MGRN1: variants seen among roughly 807,000 people sequenced by gnomAD.
MGRN1 encodes E3 ubiquitin-protein ligase MGRN1.
MGRN1 carries 29 observed loss-of-function variants against 69.2 expected under a neutral mutation model. The observed-to-expected ratio is 0.42, with a 90% CI of 0.31 to 0.57. MGRN1 has a LOEUF of 0.57. Ranked by LOEUF, MGRN1 falls within the 20% of genes least tolerant of loss-of-function variation. MGRN1 has a pLI of 0.15. For missense variants in MGRN1, 998 were observed against 796.2 expected (o/e 1.25, Z -3.05); for synonymous variants, 470 against 344.2 (o/e 1.37, Z -4.04).
chr16:4,677,834 TG>T (rs1247697338), intron 11 of MGRN1, among the ~76,000 whole-genome samples: 1 of 51,310 alleles, frequency 1.9e-5, no homozygotes, highest in African/African-American at 7.7e-5. Context: ...TGGAGCCAGG[TG>T]CTTTTTTTTT....
intron 1 of MGRN1, among the ~76,000 whole-genome samples, chr16:4,629,737 CAAA>C (rs58368787): frequency 9.0e-6 from 1 of 110,800 alleles, no homozygotes. Context: ...GACACCGTCT[CAAA>C]AAAAAAAAAA....
intron 5 of MGRN1, among the ~76,000 whole-genome samples, chr16:4,661,934 G>A (rs904189025): frequency 6.6e-6 from 1 of 152,252 alleles, no homozygotes; most frequent in Non-Finnish European, 1.5e-5. Flanking sequence ...ATGGCAGGAA[G>A]CTGCGGTAGC....
chr16:4,638,511 C>T (rs2141841989), intron 1 of MGRN1, among the ~76,000 whole-genome samples: 1 of 152,210 alleles, frequency 6.6e-6, no homozygotes, highest in Admixed American at 6.5e-5. Flanking sequence ...ACTTCCCCAG[C>T]TGGGTGGGGG....
chr16:4,650,627 TGGGTGTG>T, intron 2 of MGRN1, 144 bp downstream of exon 2: 1 of 649,630 alleles, frequency 1.5e-6, no homozygotes, highest in Non-Finnish European at 2.6e-6. Context: ...CAGTTGAGCT[TGGGTGTG>T]GGCACGTGCC....
At chr16:4,668,945 CAT>C (rs1024305530) in intron 8 of MGRN1, among the ~76,000 whole-genome samples, 48 of 152,272 alleles carry the variant, frequency 3.2e-4, no homozygotes, top group East Asian at 9.6e-4. Flanking sequence ...CACTTGCACA[CAT>C]ATACATAGAC....
chr16:4,678,536 C>CGGAGAGACAGATGT (rs1339029402), intron 11 of MGRN1, among the ~76,000 whole-genome samples: 1 of 150,006 alleles, frequency 6.7e-6, no homozygotes, highest in African/African-American at 2.5e-5. Context: ...TGTGGAGAGA[C>CGGAGAGACAGATGT]GGAGAGACAG....
intron 12 of MGRN1, among the ~76,000 whole-genome samples, chr16:4,681,010 C>T (rs2079170491): frequency 1.3e-5 from 2 of 152,248 alleles, no homozygotes; most frequent in African/African-American, 4.8e-5. Context: ...TCTTCCTCAG[C>T]CTTGTTGATT....
At chr16:4,660,091 C>G (rs2078642571) in intron 5 of MGRN1, among the ~76,000 whole-genome samples, 2 of 152,242 alleles carry the variant, frequency 1.3e-5, no homozygotes, top group Admixed American at 6.5e-5. Context: ...GGCTTAGCAT[C>G]AAGAGCGCAG....
Position 4,652,697 on chromosome 16 carries a change from A to G in MGRN1, c.316A>G (p.Ser106Gly), listed in dbSNP as rs755777024. ...GGGTAGGTACAAAGACGATGCCGAC[A>G]GCCCCACCGAGGACGGCGACAAGCC... ...RLVRYKDDAD[S>G]PTEDGDKPRV... Residue 106 changes from serine to glycine, a missense_variant, in exon 4 of 17, where the codon AGC becomes GGC. Ser to Gly is a moderately conservative substitution (Grantham distance 56). Transcript: ENST00000262370. 5 of 1,612,636 alleles carry G rather than the reference A, an allele frequency of 3.1e-6. No individual in the cohort carries two copies. Among genetic ancestry groups the G allele is most frequent in the Non-Finnish European group, 4.2e-6 (5 of 1,179,324 alleles).
intron 16 of MGRN1, among the ~76,000 whole-genome samples, chr16:4,684,904 C>G (rs866835674): frequency 3.3e-5 from 5 of 152,226 alleles, no homozygotes; most frequent in Admixed American, 6.5e-5. Context: ...CACCATTGCT[C>G]AATCCTCCTG....
intron 9 of MGRN1, chr16:4,672,652 G>A (rs893094923): frequency 3.2e-5 from 11 of 348,568 alleles, no homozygotes; most frequent in Non-Finnish European, 5.7e-5. Context: ...GAGCAGCGGG[G>A]ACTGTATAAA....
At chr16:4,628,033 C>G (rs1295862367) in intron 1 of MGRN1, among the ~76,000 whole-genome samples, 2 of 130,874 alleles carry the variant, frequency 1.5e-5, no homozygotes, top group Middle Eastern at 6.1e-3. Flanking sequence ...TGAGCCGAGA[C>G]TGCGCCACTG....
At chr16:4,631,034 C>G (rs1172348850) in intron 1 of MGRN1, among the ~76,000 whole-genome samples, 4 of 151,946 alleles carry the variant, frequency 2.6e-5, no homozygotes, top group Non-Finnish European at 5.9e-5. Flanking sequence ...GTTGTCCAGG[C>G]TGGCCTCAAA....
intron 5 of MGRN1, 50 bp downstream of exon 5, chr16:4,657,413 C>T (rs779308597): frequency 1.3e-6 from 2 of 1,558,926 alleles, no homozygotes; most frequent in Non-Finnish European, 1.8e-6. Flanking sequence ...TGAATTCTCT[C>T]CCCTTGGGGG....
chr16:4,670,229 ATTTGT>A (rs1220925246), intron 8 of MGRN1, among the ~76,000 whole-genome samples: 1 of 151,416 alleles, frequency 6.6e-6, no homozygotes, highest in Non-Finnish European at 1.5e-5. Flanking sequence ...CAGTTGGTTA[ATTTGT>A]TTTGTTTTAT....
Position 4,683,249 on chromosome 16 carries a change from A to C in MGRN1, c.1508A>C (p.Glu503Ala), listed in dbSNP as rs2079229900. 1.9e-6 allele frequency: 3 copies of C among 1,613,724 alleles called. No homozygotes were observed. The highest frequency in any genetic ancestry group is 2.7e-5 in the African/African-American group (2 of 74,944). The change falls in exon 15 of 17, where the codon GAG (glutamate) becomes GCG (alanine). Residue 503 changes from glutamate to alanine, a missense_variant. Physicochemically the swap from Glu to Ala is moderately radical, Grantham distance 107. Transcript: ENST00000262370. Reference protein sequence around the residue: ...PESFITEEVDESSSPQQGTRA... With the variant: ...PESFITEEVDASSSPQQGTRA... ...AGTTTCATAACAGAAGAGGTTGATG[A>C]GTCGTCGTCACCACAGCAAGGTGAG...
intron 13 of MGRN1, among the ~76,000 whole-genome samples, chr16:4,682,247 GGTCCCTCTCCAGGCGATGA>G (rs2141978189): frequency 6.6e-6 from 1 of 152,338 alleles, no homozygotes; most frequent in South Asian, 2.1e-4. Flanking sequence ...CACGGGGCAC[GGTCCCTCTCCAGGCGATGA>G]GTGCATCATC....
chr16:4,689,933 A>ATT lies in MGRN1; in HGVS notation c.*1031_*1032dup. On this transcript the variant is annotated 3_prime_UTR_variant, in exon 17 of 17. Coordinates refer to ENST00000262370, the MANE Select transcript of MGRN1 (RefSeq NM_015246.4). ...AGGTGCCTACCAGCATGCTCGGCTAATTTTTTTGTATTTTTAGTAGAGAAG... is the reference window on the plus strand; with the variant it reads ...AGGTGCCTACCAGCATGCTCGGCTAATTTTTTTTTGTATTTTTAGTAGAGAAG... 1 of 151,924 alleles carries ATT rather than the reference A, an allele frequency of 6.6e-6. No individual in the cohort carries two copies. The highest frequency in any genetic ancestry group is 2.1e-4 in the South Asian group (1 of 4,818). 9.4% of individuals were successfully genotyped at this position (151,924 alleles called of 1,614,324 possible). A position where few individuals can be genotyped will look rare whatever the true frequency, so the allele number is the denominator to read the frequency against.
At chr16:4,645,824 G>A (rs1003922262) in intron 1 of MGRN1, among the ~76,000 whole-genome samples, 1 of 152,146 alleles carries the variant, frequency 6.6e-6, no homozygotes, top group Non-Finnish European at 1.5e-5. Context: ...AGAGTTTTGA[G>A]GGCAGTGGGT....
Sources: allele counts gnomAD v4.1 joint callset (sites outside exome capture counted in the v4.1 genomes callset), GRCh38; gene constraint gnomAD v4.1.1; transcripts MANE v1.5; gene names NCBI Gene and HGNC (gene_info 2026-07-23, HGNC 2026-07-21).